The following RGS7 variants were observed in gnomAD, a reference collection of about 807,000 sequenced individuals.
The protein encoded by RGS7 is regulator of G-protein signaling 7.
A neutral mutation model predicts 81.1 loss-of-function variants in RGS7; 27 were observed. That is an observed-to-expected ratio of 0.33 (90% CI 0.25 to 0.46). RGS7 has a LOEUF of 0.46. Among genes scored for constraint, RGS7 ranks in the 20% least tolerant of loss-of-function variants. The pLI is 1.00. For missense variants in RGS7, 396 were observed against 607.4 expected (o/e 0.65, Z 3.66); for synonymous variants, 208 against 207.7 (o/e 1.00, Z -0.01).
chr1:241,195,166 A>C (rs576315747), intron 2 of RGS7, among the ~76,000 whole-genome samples: 8 of 152,332 alleles, frequency 5.3e-5, no homozygotes, highest in African/African-American at 1.9e-4. Flanking sequence ...TCAATGAAAA[A>C]TTAATAGCAT....
In RGS7 at chr1:241,162,359, T is replaced by C. The variant is rs137933445; in HGVS notation, c.79-63597A>G. Among the ~76,000 whole-genome samples, 672 of 152,292 alleles carry C rather than the reference T, an allele frequency of 4.4e-3. 5 individuals carry two copies. The highest frequency in any genetic ancestry group is 0.016 in the African/African-American group (646 of 41,560). ...AAGGGAAAAACGCCTCAAGTGAGCA[T>C]GCACACAACTTCAGTAAACACACTG... is the stretch of plus-strand genomic sequence containing the variant. On this transcript the variant is annotated intron_variant, in intron 2 of 18. Transcript: ENST00000440928.
intron 6 of RGS7, among the ~76,000 whole-genome samples, chr1:240,891,676 T>C (rs1465086550): frequency 6.6e-6 from 1 of 152,216 alleles, no homozygotes; most frequent in East Asian, 1.9e-4. Flanking sequence ...CTTAGTCTCC[T>C]AATTCCTTGT....
chr1:241,326,179 A>C (rs530977780), intron 2 of RGS7, among the ~76,000 whole-genome samples: 1 of 152,130 alleles, frequency 6.6e-6, no homozygotes, highest in South Asian at 2.1e-4. Context: ...TTTCACTACT[A>C]ATTGGAAAAT....
intron 2 of RGS7, among the ~76,000 whole-genome samples, chr1:241,254,479 G>A (rs527441214): frequency 2.4e-4 from 37 of 152,220 alleles, no homozygotes; most frequent in Non-Finnish European, 3.7e-4. Flanking sequence ...TGCAAATGGC[G>A]TCTTCTTGTG....
chr1:241,109,200 G>A (rs2065340270), intron 2 of RGS7, among the ~76,000 whole-genome samples: 2 of 152,120 alleles, frequency 1.3e-5, no homozygotes, highest in Admixed American at 6.6e-5. Context: ...CACATGCTCA[G>A]CAATTGCTCC....
At chr1:241,136,875 T>C (rs2067561205) in intron 2 of RGS7, among the ~76,000 whole-genome samples, 1 of 152,236 alleles carries the variant, frequency 6.6e-6, no homozygotes, top group Admixed American at 6.5e-5. Context: ...AATTTTCATA[T>C]GTTAGAGCTA....
chr1:240,981,755 C>A (rs1684950724), intron 4 of RGS7, among the ~76,000 whole-genome samples: 1 of 152,130 alleles, frequency 6.6e-6, no homozygotes, highest in African/African-American at 2.4e-5. Flanking sequence ...AGCAAATGAG[C>A]TGGGGGTGTA....
intron 9 of RGS7, among the ~76,000 whole-genome samples, chr1:240,850,559 T>G (rs1396498924): frequency 1.3e-5 from 2 of 152,166 alleles, no homozygotes; most frequent in Non-Finnish European, 2.9e-5. Flanking sequence ...CAATGACTTC[T>G]AAGTGTTCAA....
At chr1:240,874,403 G>C (rs182015482) in intron 6 of RGS7, among the ~76,000 whole-genome samples, 86 of 152,076 alleles carry the variant, frequency 5.7e-4, no homozygotes, top group Non-Finnish European at 9.4e-4. Context: ...TCCTCCTGGG[G>C]CTGGAGTGTA....
At chr1:240,879,739 T>G (rs1666067374) in intron 6 of RGS7, among the ~76,000 whole-genome samples, 1 of 152,240 alleles carries the variant, frequency 6.6e-6, no homozygotes, top group Admixed American at 6.5e-5. Context: ...ATTGCTTCCC[T>G]CCATAAATGA....
At chr1:240,989,536 A>G (rs1018076462) in intron 3 of RGS7, among the ~76,000 whole-genome samples, 1 of 151,970 alleles carries the variant, frequency 6.6e-6, no homozygotes, top group East Asian at 1.9e-4. Context: ...ATGACTACCA[A>G]TGCCAAAATC....
At chr1:241,115,117 TA>T (rs2065802005) in intron 2 of RGS7, among the ~76,000 whole-genome samples, 4 of 152,210 alleles carry the variant, frequency 2.6e-5, no homozygotes, top group Admixed American at 2.6e-4. Flanking sequence ...GAAAATGCTG[TA>T]ATCCTGTTAA....
chr1:241,264,223 C>A (rs752424103), intron 2 of RGS7, among the ~76,000 whole-genome samples: 2 of 152,138 alleles, frequency 1.3e-5, no homozygotes, highest in African/African-American at 4.8e-5. Context: ...TTAGGCCAGG[C>A]GCAGTGACTC....
chr1:240,796,697 CAAT>C (rs1248554329), intron 18 of RGS7, among the ~76,000 whole-genome samples: 1 of 152,000 alleles, frequency 6.6e-6, no homozygotes, highest in Non-Finnish European at 1.5e-5. Context: ...ACAACAACAA[CAAT>C]AACAACAAAC....
chr1:240,800,790 G>A, intron 17 of RGS7, 69 bp from the exon 18 acceptor site: 1 of 820,046 alleles, frequency 1.2e-6, no homozygotes, highest in Admixed American at 2.8e-5. Flanking sequence ...CAAAGGCACT[G>A]GCACAATACA....
At chr1:241,203,729 T>A (rs1480126551) in intron 2 of RGS7, among the ~76,000 whole-genome samples, 1 of 152,132 alleles carries the variant, frequency 6.6e-6, no homozygotes, top group Non-Finnish European at 1.5e-5. Flanking sequence ...ACCAAACCAG[T>A]GCCATAACTC....
intron 4 of RGS7, among the ~76,000 whole-genome samples, chr1:240,940,197 A>G (rs761899722): frequency 7.9e-5 from 12 of 152,190 alleles, no homozygotes; most frequent in Non-Finnish European, 1.3e-4. Flanking sequence ...TACTGCCTTC[A>G]GCCAGATTTT....
chr1:240,827,288 A>T (rs753361107), intron 9 of RGS7, 116 bp from the exon 10 acceptor site: 4 of 818,664 alleles, frequency 4.9e-6, no homozygotes, highest in Non-Finnish European at 6.4e-6. Context: ...GACACAAATC[A>T]AGGGAGGTGT....
intron 2 of RGS7, among the ~76,000 whole-genome samples, chr1:241,289,335 T>A (rs913621345): frequency 6.6e-6 from 1 of 152,190 alleles, no homozygotes; most frequent in Admixed American, 6.5e-5. Flanking sequence ...TGCCCACTCA[T>A]TATTCAAATT....
Sources: allele counts gnomAD v4.1 joint callset (sites outside exome capture counted in the v4.1 genomes callset), GRCh38; gene constraint gnomAD v4.1.1; transcripts MANE v1.5; gene names NCBI Gene and HGNC (gene_info 2026-07-23, HGNC 2026-07-21).